The following NET1 variants were observed in gnomAD, a reference collection of about 807,000 sequenced individuals.
NET1 encodes neuroepithelial cell-transforming gene 1 protein.
NET1 carries 42 observed loss-of-function variants against 61.1 expected under a neutral mutation model. The ratio of observed to expected loss-of-function variants is 0.69; its 90% CI spans 0.54 to 0.89. The LOEUF (loss-of-function observed/expected upper bound fraction) is 0.89, where lower values mean the gene tolerates loss of function less well. NET1 is among the 40% of genes least tolerant of loss of function. NET1 has a pLI of 0.00. For missense variants in NET1, 654 were observed against 747.3 expected (o/e 0.88, Z 1.46); for synonymous variants, 254 against 281.8 (o/e 0.90, Z 0.99).
intron 1 of NET1, among the ~76,000 whole-genome samples, chr10:5,414,805 T>A (rs1242672177): frequency 6.6e-6 from 1 of 152,116 alleles, no homozygotes; most frequent in East Asian, 1.9e-4. Flanking sequence ...AAATTCAAGG[T>A]AGAGGATTTA....
In NET1 at chr10:5,451,511, T is replaced by TTAA. The variant is rs1554818455; in HGVS notation, c.256-319_256-318insTAA. 7.8e-4 allele frequency among the ~76,000 whole-genome samples: 115 copies of TTAA among 147,728 alleles called. 1 individual carries two copies. The highest frequency in any genetic ancestry group is 3.7e-3 in the South Asian group (17 of 4,646). On this transcript the variant is annotated intron_variant, in intron 3 of 11. Transcript: ENST00000355029. The surrounding 1 kb of genome is among the most constrained non-coding windows in gnomAD (Gnocchi z 6.1). ...TTTTCATAACAATAAGGCTTTTTTT[T>TTAA]AAAAAAAAAAAAAGTTATTCCCTGC... is the stretch of plus-strand genomic sequence containing the variant.
chr10:5,421,748 T>C lies in NET1; in HGVS notation c.129-4907T>C, dbSNP rs1261342219. Among the ~76,000 whole-genome samples the C allele has an allele frequency of 6.6e-6, 1 of 152,200 alleles. No individual in the cohort carries two copies. The highest frequency in any genetic ancestry group is 1.5e-5 in the Non-Finnish European group (1 of 68,026). On this transcript the variant is annotated intron_variant, in intron 1 of 11. Coordinates refer to ENST00000355029, the MANE Select transcript of NET1 (RefSeq NM_001047160.3). The surrounding 1 kb of genome is among the most constrained non-coding windows in gnomAD (Gnocchi z 4.2). ...GTTGTGCAGTCATTACCACAATCCA[T>C]TGTTAGAACATTTCATCACCCCAAA...
intron 2 of NET1, 49 bp from the exon 3 acceptor site, chr10:5,429,121 T>C (rs1317679834): frequency 1.6e-6 from 2 of 1,219,118 alleles, no homozygotes; most frequent in Non-Finnish European, 2.4e-6. Context: ...TTTTGTGAGG[T>C]AATATGCATT....
At chr10:5,414,060 T>C (rs934421068) in intron 1 of NET1, among the ~76,000 whole-genome samples, 2 of 152,186 alleles carry the variant, frequency 1.3e-5, no homozygotes, top group Admixed American at 1.3e-4. Context: ...TGTAAATGGA[T>C]GATTTCAGGC....
In NET1 at chr10:5,439,727, G is replaced by T. The variant is rs1247138288; in HGVS notation, c.255+10498G>T. The stretch of plus-strand genomic sequence containing the variant: ...TGGAACCCTAAGGCTCTGCATTGCA[G>T]TTCTCTTCCTGGCCTTGCCAGAGCA... On this transcript the variant is annotated intron_variant, in intron 3 of 11. Transcript: ENST00000355029. This position sits in a 1 kb window ranked among gnomAD's most constrained non-coding sequence, Gnocchi z 4.8. Among the ~76,000 whole-genome samples the T allele has an allele frequency of 6.6e-6, 1 of 152,234 alleles. No individual in the cohort carries two copies. Among genetic ancestry groups the T allele is most frequent in the African/African-American group, 2.4e-5 (1 of 41,462 alleles).
chr10:5,450,577 CT>C (rs1237254535), intron 3 of NET1, among the ~76,000 whole-genome samples: 1 of 152,062 alleles, frequency 6.6e-6, no homozygotes, highest in East Asian at 1.9e-4. Flanking sequence ...GTTGCTTCTT[CT>C]GTTATTTTTA....
At position 5,446,909 on chromosome 10, in the gene NET1, G is replaced by A. The variant is rs1234161347; in HGVS notation, c.256-4921G>A. The A allele has an allele frequency of 6.7e-7, 1 of 1,498,800 alleles. No homozygotes were observed. The highest frequency in any genetic ancestry group is 9.1e-7 in the Non-Finnish European group (1 of 1,098,654). 92.8% of individuals were successfully genotyped at this position (1,498,800 alleles called of 1,614,324 possible). On this transcript the variant is annotated intron_variant, in intron 3 of 11. Transcript: ENST00000355029. This position sits in a 1 kb window ranked among gnomAD's most constrained non-coding sequence, Gnocchi z 5.0. ...CAAAAGGAATGTTTTCTAACTCCAC[G>A]GAGCTTTTAAAATTTTTAACAAGGT...
intron 3 of NET1, among the ~76,000 whole-genome samples, chr10:5,450,059 G>A (rs891893937): frequency 4.6e-5 from 5 of 108,050 alleles, no homozygotes; most frequent in Admixed American, 1.1e-4. Flanking sequence ...CCCTGCACAC[G>A]CGTGTGTCAG....
chr10:5,457,471 GA>G lies in NET1; in HGVS notation c.*480del, dbSNP rs1268906730. 6.5e-6 allele frequency: 1 copy of G among 152,758 alleles called. No homozygotes were observed. Among genetic ancestry groups the G allele is most frequent in the Admixed American group, 6.5e-5 (1 of 15,304 alleles). 9.5% of individuals were successfully genotyped at this position (152,758 alleles called of 1,614,324 possible). On this transcript the variant is annotated 3_prime_UTR_variant, in exon 12 of 12. Transcript: ENST00000355029. This position sits in a 1 kb window ranked among gnomAD's most constrained non-coding sequence, Gnocchi z 5.4. ...TCTGGAGTATTTCAAACTTTACATT[GA>G]AACATAATTTCCTTGGAAAACAAAC... is the stretch of plus-strand genomic sequence containing the variant.
In NET1 at chr10:5,422,479, G is replaced by C. The variant is rs1295121473; in HGVS notation, c.129-4176G>C. On this transcript the variant is annotated intron_variant, in intron 1 of 11. Transcript: ENST00000355029. The surrounding 1 kb of genome is among the most constrained non-coding windows in gnomAD (Gnocchi z 4.1). ...CACTGTTTCCAAAGAGTACTGGATT[G>C]TTAATGATGGAAGCCTTCAGAATTT... Among the ~76,000 whole-genome samples the C allele has an allele frequency of 6.6e-6, 1 of 152,208 alleles. No individual in the cohort carries two copies.
rs4881446 is a variant in NET1 at position 5,439,607 on chromosome 10, G to A, written c.255+10378G>A. 0.7 allele frequency among the ~76,000 whole-genome samples: 105,938 copies of A among 152,118 alleles called. 37,100 individuals carry two copies. Among genetic ancestry groups the A allele is most frequent in the Admixed American group, 0.75 (11,407 of 15,300 alleles). On this transcript the variant is annotated intron_variant, in intron 3 of 11. Coordinates refer to ENST00000355029, the MANE Select transcript of NET1 (RefSeq NM_001047160.3). This position sits in a 1 kb window ranked among gnomAD's most constrained non-coding sequence, Gnocchi z 4.8. ...TGATCGCACAGTTAAATGATGTCCT[G>A]TAGCCAGGGCCTCACTCTAACTAGG...
rs1188521452 is a variant in NET1 at position 5,416,456 on chromosome 10, A to C, written c.128+3636A>C. 6.6e-6 allele frequency among the ~76,000 whole-genome samples: 1 copy of C among 152,192 alleles called. No individual in the cohort carries two copies. Among genetic ancestry groups the C allele is most frequent in the African/African-American group, 2.4e-5 (1 of 41,442 alleles). On this transcript the variant is annotated intron_variant, in intron 1 of 11. Transcript: ENST00000355029. This position sits in a 1 kb window ranked among gnomAD's most constrained non-coding sequence, Gnocchi z 6.1. ...AAGGAGTCCACAGGGATTCTGATAG[A>C]GATTGCATTAAATCTTGTAGATCAT...
chr10:5,444,005 A>G lies in NET1; in HGVS notation c.256-7825A>G, dbSNP rs1204326947. 2.0e-5 allele frequency among the ~76,000 whole-genome samples: 3 copies of G among 152,238 alleles called. No homozygotes were observed. Among genetic ancestry groups the G allele is most frequent in the Non-Finnish European group, 4.4e-5 (3 of 68,036 alleles). ...ACGCCATATTTTAACTGATGAAGCT[A>G]ACTGAACCAGACTGCTGGGGTCTAG... On this transcript the variant is annotated intron_variant, in intron 3 of 11. Coordinates refer to ENST00000355029, the MANE Select transcript of NET1 (RefSeq NM_001047160.3). The surrounding 1 kb of genome is among the most constrained non-coding windows in gnomAD (Gnocchi z 5.3).
rs1832490291 is a variant in NET1 at position 5,439,476 on chromosome 10, C to T, written c.255+10247C>T. On this transcript the variant is annotated intron_variant, in intron 3 of 11. Coordinates refer to ENST00000355029, the MANE Select transcript of NET1 (RefSeq NM_001047160.3). The surrounding 1 kb of genome is among the most constrained non-coding windows in gnomAD (Gnocchi z 4.8). ...TTATATACTGATGCCCTTTGGTCTT[C>T]CTTAAGCCAATCACAAATGGACCAT... 6.6e-6 allele frequency among the ~76,000 whole-genome samples: 1 copy of T among 152,144 alleles called. No individual in the cohort carries two copies. Among genetic ancestry groups the T allele is most frequent in the South Asian group, 2.1e-4 (1 of 4,832 alleles).
Position 5,456,369 on chromosome 10 carries a change from C to A in NET1, c.1384+96C>A. 1 of 1,228,812 alleles carries A rather than the reference C, an allele frequency of 8.1e-7. No homozygotes were observed. Among genetic ancestry groups the A allele is most frequent in the Non-Finnish European group, 1.1e-6 (1 of 901,066 alleles). 76.1% of individuals were successfully genotyped at this position (1,228,812 alleles called of 1,614,324 possible). ...AAGAATTCTAGAGATGAAATGGCTC[C>A]ATTGTCCTATACTTGTTACATCCAT... On this transcript the variant is annotated intron_variant, in intron 11 of 11. Coordinates refer to ENST00000355029, the MANE Select transcript of NET1 (RefSeq NM_001047160.3). The surrounding 1 kb of genome is among the most constrained non-coding windows in gnomAD (Gnocchi z 7.0).
intron 3 of NET1, among the ~76,000 whole-genome samples, chr10:5,434,631 C>T (rs559934341): frequency 2.0e-5 from 3 of 151,054 alleles, no homozygotes; most frequent in African/African-American, 4.9e-5. Context: ...GTTTGTCACT[C>T]TGCTCATATT....
rs996352558 is a variant in NET1, at chr10:5,424,663, T to G, written c.129-1992T>G. On this transcript the variant is annotated intron_variant, in intron 1 of 11. Transcript: ENST00000355029. The surrounding 1 kb of genome is among the most constrained non-coding windows in gnomAD (Gnocchi z 6.1). ...CATGAGTAGTCTTCCTGTGTTTTGA[T>G]CTTCTCCAAATAATTATTTAGGAAA... 6.6e-6 allele frequency among the ~76,000 whole-genome samples: 1 copy of G among 152,206 alleles called. No homozygotes were observed. The highest frequency in any genetic ancestry group is 1.5e-5 in the Non-Finnish European group (1 of 68,024).
In NET1 at chr10:5,443,258, G is replaced by A. The variant is rs1007000051; in HGVS notation, c.256-8572G>A. Among the ~76,000 whole-genome samples the A allele has an allele frequency of 6.6e-6, 1 of 152,176 alleles. No homozygotes were observed. The highest frequency in any genetic ancestry group is 1.5e-5 in the Non-Finnish European group (1 of 68,046). ...GCCACTGATTAACAAGGTACCTTTGGACAAGTTTCTTAAACTTGGTCAGTC... is the reference window on the plus strand; with the variant it reads ...GCCACTGATTAACAAGGTACCTTTGAACAAGTTTCTTAAACTTGGTCAGTC... On this transcript the variant is annotated intron_variant, in intron 3 of 11. Transcript: ENST00000355029. This position sits in a 1 kb window ranked among gnomAD's most constrained non-coding sequence, Gnocchi z 4.8.
Position 5,454,890 on chromosome 10 carries a change from G to A in NET1, c.1027-58G>A. 1 of 1,521,406 alleles carries A rather than the reference G, an allele frequency of 6.6e-7. No individual in the cohort carries two copies. Among genetic ancestry groups the A allele is most frequent in the Non-Finnish European group, 9.1e-7 (1 of 1,102,080 alleles). 94.2% of individuals were successfully genotyped at this position (1,521,406 alleles called of 1,614,324 possible). On this transcript the variant is annotated intron_variant, in intron 9 of 11. Coordinates refer to ENST00000355029, the MANE Select transcript of NET1 (RefSeq NM_001047160.3). The surrounding 1 kb of genome is among the most constrained non-coding windows in gnomAD (Gnocchi z 8.1). The stretch of plus-strand genomic sequence containing the variant: ...TCCATATGACATTTTTGCTCTGCAG[G>A]AAGCAGAATGAGTTAATAAACTGAA...
Sources: allele counts gnomAD v4.1 joint callset (sites outside exome capture counted in the v4.1 genomes callset), GRCh38; gene constraint gnomAD v4.1.1; non-coding constraint Gnocchi (gnomAD v3.1); transcripts MANE v1.5; gene names NCBI Gene and HGNC (gene_info 2026-07-23, HGNC 2026-07-21).